INPP1: variants seen among roughly 807,000 people sequenced by gnomAD.
INPP1 encodes the protein inositol polyphosphate-1-phosphatase, also known as inositol polyphosphate 1-phosphatase.
Under a neutral mutation model 23.0 loss-of-function variants are expected in INPP1, and 18 were observed. The ratio of observed to expected loss-of-function variants is 0.78; its 90% CI spans 0.54 to 1.16. The LOEUF is 1.16. INPP1 is among the 50% of genes most tolerant of loss of function. The pLI is 0.00. For synonymous variants in INPP1, 164 were observed against 176.3 expected, an observed-to-expected ratio of 0.93 and a Z score of 0.55; for missense variants, 448 against 482.1, an observed-to-expected ratio of 0.93 and a Z score of 0.66.
chr2:190,353,290 G>A (rs2124921078), intron 2 of INPP1, among the ~76,000 whole-genome samples: 2 of 152,334 alleles, frequency 1.3e-5, no homozygotes, highest in South Asian at 4.1e-4. Flanking sequence ...CATGAAGCCA[G>A]AGTAGTCTCA....
chr2:190,369,746 C>T (rs1238422518), intron 6 of INPP1, among the ~76,000 whole-genome samples: 1 of 152,188 alleles, frequency 6.6e-6, no homozygotes, highest in Non-Finnish European at 1.5e-5. Context: ...CTAACTCACA[C>T]TCCCTTTCTG....
chr2:190,348,485 G>A (rs574652538), intron 1 of INPP1, among the ~76,000 whole-genome samples: 18 of 152,182 alleles, frequency 1.2e-4, no homozygotes, highest in African/African-American at 4.1e-4. Context: ...CATCAGCACT[G>A]TTCATGTCCA....
intron 2 of INPP1, among the ~76,000 whole-genome samples, chr2:190,358,253 AT>A (rs938768799): frequency 4.0e-5 from 6 of 149,890 alleles, no homozygotes; most frequent in African/African-American, 7.3e-5. Context: ...TAATTTTTGT[AT>A]TTTTTTTTAG....
At position 190,368,601 on chromosome 2, in the gene INPP1, A is replaced by G. The variant is rs1689731457; in HGVS notation, c.467-502A>G. On this transcript the variant is annotated intron_variant, in intron 5 of 6. Coordinates refer to ENST00000392329, the MANE Select transcript of INPP1 (RefSeq NM_001128928.2). The surrounding 1 kb of genome is among the most constrained non-coding windows in gnomAD (Gnocchi z 4.3). The stretch of plus-strand genomic sequence containing the variant: ...GAATGGGGTATCCATCCCTTTGAGC[A>G]TTTATCCTTTGAGTAATAAACAATC... 2 of 152,222 alleles carry G rather than the reference A, an allele frequency of 1.3e-5. No homozygotes were observed. Among genetic ancestry groups the G allele is most frequent in the Non-Finnish European group, 2.9e-5 (2 of 68,062 alleles). The allele number at this position is 152,222 out of a possible 1,614,324, so 9.4% of individuals were successfully genotyped here. A position where few individuals can be genotyped will look rare whatever the true frequency, so the allele number is the denominator to read the frequency against.
At position 190,363,586 on chromosome 2, in the gene INPP1, A is replaced by G. The variant is rs1007522416; in HGVS notation, c.265+899A>G. The stretch of plus-strand genomic sequence containing the variant: ...TCATGTGACAAATACTTATATATCT[A>G]GAAACACAATTACAAAGAAAAAATG... On this transcript the variant is annotated intron_variant, in intron 4 of 6. Transcript: ENST00000392329. This position sits in a 1 kb window ranked among gnomAD's most constrained non-coding sequence, Gnocchi z 4.4. Among the ~76,000 whole-genome samples, 24 of 152,188 alleles carry G rather than the reference A, an allele frequency of 1.6e-4. No individual in the cohort carries two copies. Among genetic ancestry groups the G allele is most frequent in the Non-Finnish European group, 4.4e-5 (3 of 68,028 alleles).
Position 190,354,042 on chromosome 2 carries a change from C to T in INPP1, c.-65+5011C>T, listed in dbSNP as rs59822230. Reference sequence around the variant, plus strand: ...CAATTTTATGTTAAACATATAGATACGTACATTTGGTTTGAGATGGAAGGA... The same window carrying T: ...CAATTTTATGTTAAACATATAGATATGTACATTTGGTTTGAGATGGAAGGA... On this transcript the variant is annotated intron_variant, in intron 2 of 6. Transcript: ENST00000392329. The surrounding 1 kb of genome is among the most constrained non-coding windows in gnomAD (Gnocchi z 4.8). 1.3e-3 allele frequency among the ~76,000 whole-genome samples: 197 copies of T among 152,234 alleles called. 1 individual carries two copies. The highest frequency in any genetic ancestry group is 9.5e-3 in the South Asian group (46 of 4,826).
chr2:190,357,881 A>G lies in INPP1; in HGVS notation c.-64-2158A>G, dbSNP rs572535436. Among the ~76,000 whole-genome samples the G allele has an allele frequency of 5.9e-5, 9 of 152,306 alleles. No individual in the cohort carries two copies. The East Asian group carries it at 1.5e-3, about 26-fold the overall frequency. ...TCAAAGAGGATGTCTCGTTGCTTGT[A>G]TGCCCTTTTCTTTTATTACTACTGA... On this transcript the variant is annotated intron_variant, in intron 2 of 6. Coordinates refer to ENST00000392329, the MANE Select transcript of INPP1 (RefSeq NM_001128928.2).
rs1037501544 is a variant in INPP1 at position 190,361,997 on chromosome 2, G to A, written c.205-630G>A. 8.5e-5 allele frequency among the ~76,000 whole-genome samples: 13 copies of A among 152,248 alleles called. No homozygotes were observed. In the East Asian group the frequency reaches 2.1e-3, roughly 25 times the overall value. ...GAAGCAAAATGCATCAGAAAGCTTC[G>A]TGATCATACAGAGATGACAGAAGAT... On this transcript the variant is annotated intron_variant, in intron 3 of 6. Coordinates refer to ENST00000392329, the MANE Select transcript of INPP1 (RefSeq NM_001128928.2).
rs1259088838 is a variant in INPP1, at chr2:190,370,963, C to A, written c.761C>A (p.Ala254Glu). ...CACACTGGAAACACCGGCTCTGAGGCAGCATTCTCCCCCAGTTTTTCAGCC... is the reference window on the plus strand; with the variant it reads ...CACACTGGAAACACCGGCTCTGAGGAAGCATTCTCCCCCAGTTTTTCAGCC... Reference protein sequence around the residue: ...ETHTGNTGSEAAFSPSFSAVI... With the variant: ...ETHTGNTGSEEAFSPSFSAVI... The change falls in exon 7 of 7, where the codon GCA becomes GAA. Residue 254 changes from alanine to glutamate, a missense_variant. Transcript: ENST00000392329. 2 of 1,614,200 alleles carry A rather than the reference C, an allele frequency of 1.2e-6. No individual in the cohort carries two copies. The highest frequency in any genetic ancestry group is 1.1e-5 in the South Asian group (1 of 91,084).
In INPP1 at chr2:190,360,176, A is replaced by C; in HGVS notation, c.74A>C (p.Gln25Pro). ...AACATTGCCCGGGCGTGCAGACAGC[A>C]GGAAGCCCTCTTCCAGCTGCTGATC... Reference protein sequence around the residue: ...AANIARACRQQEALFQLLIEE... With the variant: ...AANIARACRQPEALFQLLIEE... Residue 25 changes from glutamine (Q) to proline (P), a missense_variant, in exon 3 of 7, where the codon CAG becomes CCG. Gln to Pro is a moderately conservative substitution (Grantham distance 76). Transcript: ENST00000392329. 6.2e-7 allele frequency: 1 copy of C among 1,614,184 alleles called. No individual in the cohort carries two copies. The highest frequency in any genetic ancestry group is 8.5e-7 in the Non-Finnish European group (1 of 1,180,018).
chr2:190,358,072 A>ATTTTTTT (rs749071988), intron 2 of INPP1, among the ~76,000 whole-genome samples: 3 of 111,410 alleles, frequency 2.7e-5, no homozygotes, highest in African/African-American at 3.6e-5. Flanking sequence ...CATTAAGGGA[A>ATTTTTTT]TTTTTTTTTT....
At chr2:190,365,776 G>T (rs1196439672) in intron 4 of INPP1, among the ~76,000 whole-genome samples, 4 of 152,018 alleles carry the variant, frequency 2.6e-5, no homozygotes, top group East Asian at 1.9e-4. Context: ...TCTCTCACTG[G>T]CTCACTCTCT....
chr2:190,359,972 A>T, intron 2 of INPP1, 67 bp from the exon 3 acceptor site: 1 of 816,212 alleles, frequency 1.2e-6, no homozygotes, highest in Non-Finnish European at 2.0e-6. Context: ...GGTTGTTAGT[A>T]GTGCCAGAGG....
At chr2:190,364,816 G>A (rs1383625904) in intron 4 of INPP1, among the ~76,000 whole-genome samples, 1 of 151,502 alleles carries the variant, frequency 6.6e-6, no homozygotes, top group South Asian at 2.1e-4. Flanking sequence ...GTTGACCAGG[G>A]TGGTCTTGAA....
At chr2:190,361,764 G>A (rs1559083339) in intron 3 of INPP1, among the ~76,000 whole-genome samples, 1 of 152,154 alleles carries the variant, frequency 6.6e-6, no homozygotes, top group Non-Finnish European at 1.5e-5. Context: ...CTTGATGAAT[G>A]GGCTGGTTGC....
intron 6 of INPP1, among the ~76,000 whole-genome samples, 159 bp from the exon 7 acceptor site, chr2:190,370,681 GAAAT>G (rs924191542): frequency 5.4e-4 from 83 of 152,294 alleles, no homozygotes; most frequent in Admixed American, 2.3e-3. Context: ...GTAACTTTCT[GAAAT>G]AAACTAGCTA....
chr2:190,351,286 A>G (rs1432338095), intron 2 of INPP1, among the ~76,000 whole-genome samples: 1 of 152,272 alleles, frequency 6.6e-6, no homozygotes, highest in Non-Finnish European at 1.5e-5. Context: ...GAAGGAGCCA[A>G]CAGTTGAAAT....
chr2:190,347,264 G>T (rs924596737), intron 1 of INPP1, among the ~76,000 whole-genome samples: 56 of 151,900 alleles, frequency 3.7e-4, no homozygotes, highest in Middle Eastern at 3.4e-3. Flanking sequence ...ACCCGCCTTG[G>T]CCTCCCAAAG....
chr2:190,354,948 ATT>A lies in INPP1; in HGVS notation c.-64-5078_-64-5077del, dbSNP rs11286107. ...GGGGTGTGTGTGTGTGTGTGTGTGC[ATT>A]TTTTTTTTTTTTGCTATATAATGTA... is the stretch of plus-strand genomic sequence containing the variant. On this transcript the variant is annotated intron_variant, in intron 2 of 6. Transcript: ENST00000392329. The surrounding 1 kb of genome is among the most constrained non-coding windows in gnomAD (Gnocchi z 4.8). Among the ~76,000 whole-genome samples the A allele has an allele frequency of 0.11, 15,443 of 142,436 alleles. 2,009 individuals carry two copies. The highest frequency in any genetic ancestry group is 0.32 in the African/African-American group (12,203 of 38,720). The allele number at this position is 142,436 out of a possible 152,430, so 93.4% of individuals were successfully genotyped here.
Sources: allele counts gnomAD v4.1 joint callset (sites outside exome capture counted in the v4.1 genomes callset), GRCh38; gene constraint gnomAD v4.1.1; non-coding constraint Gnocchi (gnomAD v3.1); transcripts MANE v1.5; gene names NCBI Gene and HGNC (gene_info 2026-07-23, HGNC 2026-07-21).